Variants in CACNA1A observed in about 807,000 individuals in gnomAD.
CACNA1A encodes the protein voltage-dependent P/Q-type calcium channel subunit alpha-1A.
CACNA1A carries 57 observed loss-of-function variants against 262.4 expected under a neutral mutation model. That is an observed-to-expected ratio of 0.22 (90% CI 0.18 to 0.27). The LOEUF (loss-of-function observed/expected upper bound fraction) is 0.27. Among genes scored for constraint, CACNA1A ranks in the 10% least tolerant of loss-of-function variants. The pLI is 1.00. For synonymous variants in CACNA1A, 1,431 were observed against 1,419.3 expected (o/e 1.01, Z -0.18); for missense variants, 2,526 against 3,562.8 (o/e 0.71, Z 7.41).
intron 6 of CACNA1A, among the ~76,000 whole-genome samples, chr19:13,336,604 A>AGAGAGAGG (rs2058577376): frequency 2.8e-4 from 7 of 25,166 alleles, no homozygotes; most frequent in South Asian, 4.3e-3. Flanking sequence ...GGAGAGAGAG[A>AGAGAGAGG]GAGAGAGAGA....
chr19:13,319,768 C>A (rs1264339309), intron 10 of CACNA1A, among the ~76,000 whole-genome samples: 1 of 152,168 alleles, frequency 6.6e-6, no homozygotes, highest in Non-Finnish European at 1.5e-5. Flanking sequence ...AGGCACCAGG[C>A]ACTGCAGGGA....
chr19:13,447,166 T>C (rs2060831603), intron 3 of CACNA1A, among the ~76,000 whole-genome samples: 1 of 152,200 alleles, frequency 6.6e-6, no homozygotes. Context: ...CAGGATTCCC[T>C]GAGAATCTAA....
rs573872905 is a variant in CACNA1A at position 13,452,597 on chromosome 19, A to G, written c.539+279T>C. ...TGGGAATATTAATATTTCCTAATTC[A>G]GTGGGTTGTTGCAAGGATTAAATTA... On this transcript the variant is annotated intron_variant, in intron 3 of 46. Coordinates refer to ENST00000360228, the MANE Select transcript of CACNA1A (RefSeq NM_001127222.2). The G allele has an allele frequency of 2.6e-5, 7 of 272,280 alleles. No homozygotes were observed. The South Asian group carries it at 8.2e-4, about 32-fold the overall frequency. 16.9% of individuals were successfully genotyped at this position (272,280 alleles called of 1,614,324 possible).
At chr19:13,234,675 C>G (rs995455460) in intron 34 of CACNA1A, 2 of 506,628 alleles carry the variant, frequency 3.9e-6, no homozygotes, top group Non-Finnish European at 7.2e-6. Context: ...TGGCCACCCC[C>G]ACACCAGAAA....
chr19:13,325,343 T>G (rs916486059), intron 10 of CACNA1A, among the ~76,000 whole-genome samples: 1 of 152,026 alleles, frequency 6.6e-6, no homozygotes, highest in African/African-American at 2.4e-5. Flanking sequence ...TATCAAGTAT[T>G]AGCTGGGCAC....
chr19:13,385,122 A>ATG (rs1196320882), intron 3 of CACNA1A, among the ~76,000 whole-genome samples: 1 of 152,096 alleles, frequency 6.6e-6, no homozygotes, highest in Non-Finnish European at 1.5e-5. Flanking sequence ...CCCAAGCCAC[A>ATG]TGTGGCTGGT....
chr19:13,262,900 A>G (rs1051082129), intron 24 of CACNA1A, 67 bp from the exon 25 acceptor site: 86 of 1,047,038 alleles, frequency 8.2e-5, no homozygotes, highest in Admixed American at 7.8e-5. Context: ...GGTAGGGGGC[A>G]GCCCACAGCT....
At chr19:13,475,439 C>G (rs1304288882) in intron 1 of CACNA1A, among the ~76,000 whole-genome samples, 4 of 152,172 alleles carry the variant, frequency 2.6e-5, no homozygotes, top group Admixed American at 6.5e-5. Context: ...CATGCTCACC[C>G]TTAAGGCTTC....
chr19:13,276,999 A>C, intron 23 of CACNA1A, 70 bp downstream of exon 23: 2 of 1,005,276 alleles, frequency 2.0e-6, no homozygotes, highest in East Asian at 4.9e-5. Context: ...GGCATGATCC[A>C]CTGTGCCCAG....
rs376074188 is a variant in CACNA1A, at chr19:13,299,233, G to C, written c.2400C>G (p.Asp800Glu). ...GCGTGTAGGCAGCCTTCCAGCGCTC[G>C]TCCGGGTCCATTTCGTTATACAGGG... Reference protein sequence around the residue: ...REALYNEMDPDERWKAAYTRH... With the variant: ...REALYNEMDPEERWKAAYTRH... The change falls in exon 19 of 47, where the codon GAC becomes GAG. Residue 800 changes from aspartate to glutamate, a missense_variant. Physicochemically the swap from Asp to Glu is conservative, Grantham distance 45. Transcript: ENST00000360228. The C allele has an allele frequency of 3.1e-6, 5 of 1,609,984 alleles. No individual in the cohort carries two copies. In the African/African-American group the frequency reaches 5.3e-5, roughly 17 times the overall value.
Position 13,208,752 on chromosome 19 carries a change from C to A in CACNA1A, c.6780+4G>T. ...AGCCTGGGGTCACTTGCAGCCGCAC[C>A]CACCTGCCGGTGCGCCATGTGCTCT... On this transcript the variant is annotated splice_donor_region_variant and intron_variant, in intron 46 of 46. Transcript: ENST00000360228. 1 of 1,572,824 alleles carries A rather than the reference C, an allele frequency of 6.4e-7. No homozygotes were observed. The highest frequency in any genetic ancestry group is 2.3e-5 in the East Asian group (1 of 43,932).
chr19:13,239,042 C>T (rs2055978680), intron 31 of CACNA1A, among the ~76,000 whole-genome samples: 1 of 152,132 alleles, frequency 6.6e-6, no homozygotes, highest in South Asian at 2.1e-4. Context: ...ACCTCCAGCC[C>T]AGCCTCCTGT....
At chr19:13,352,074 C>T (rs931725621) in intron 6 of CACNA1A, among the ~76,000 whole-genome samples, 2 of 152,144 alleles carry the variant, frequency 1.3e-5, no homozygotes, top group African/African-American at 4.8e-5. Flanking sequence ...CCCTTTCTCC[C>T]TGCCTCCTGG....
chr19:13,473,812 T>C (rs949062037), intron 1 of CACNA1A, among the ~76,000 whole-genome samples: 1 of 149,202 alleles, frequency 6.7e-6, no homozygotes, highest in African/African-American at 2.5e-5. Flanking sequence ...CTCTCCTTCA[T>C]TTCTCTTTAC....
At position 13,384,568 on chromosome 19, in the gene CACNA1A, C is replaced by T. The variant is rs532808502; in HGVS notation, c.540-12789G>A. ...CAAGAAAATTAGCCAGCCGTGGTGG[C>T]GGGAGCCTGTAATCCCAGCTACTTG... On this transcript the variant is annotated intron_variant, in intron 3 of 46. Coordinates refer to ENST00000360228, the MANE Select transcript of CACNA1A (RefSeq NM_001127222.2). Among the ~76,000 whole-genome samples the T allele has an allele frequency of 5.9e-5, 9 of 152,224 alleles. No homozygotes were observed. The East Asian group carries it at 9.7e-4, about 16-fold the overall frequency.
rs1269205597 is a variant in CACNA1A at position 13,214,277 on chromosome 19, G to A, written c.5896C>T (p.Arg1966Trp). Residue 1966 changes from arginine to tryptophan, a missense_variant, in exon 40 of 47, where the codon CGG becomes TGG. Transcript: ENST00000360228. This position sits in a 1 kb window ranked among gnomAD's most constrained non-coding sequence, Gnocchi z 4.1. ...TGCAGCTTCTTGGCCTTGCTCTGCC[G>A]GTAGTACTCCATGATCATCATGGCT... ...YAAMMIMEYY[R>W]QSKAKKLQAM... 3.1e-6 allele frequency: 5 copies of A among 1,612,076 alleles called. No homozygotes were observed. The highest frequency in any genetic ancestry group is 2.7e-5 in the African/African-American group (2 of 75,052).
chr19:13,224,376 A>G (rs773242103), intron 38 of CACNA1A, among the ~76,000 whole-genome samples: 5 of 151,050 alleles, frequency 3.3e-5, no homozygotes, highest in African/African-American at 7.3e-5. Context: ...AGTCCCAGCT[A>G]CTGGGGAGGC....
chr19:13,248,799 C>T (rs907081756), intron 30 of CACNA1A, among the ~76,000 whole-genome samples: 3 of 150,998 alleles, frequency 2.0e-5, no homozygotes, highest in Non-Finnish European at 4.4e-5. Context: ...GCCAAGATTG[C>T]ACCACTGCAC....
intron 6 of CACNA1A, among the ~76,000 whole-genome samples, chr19:13,340,672 T>C (rs1486635316): frequency 6.6e-6 from 1 of 152,000 alleles, no homozygotes; most frequent in African/African-American, 2.4e-5. Context: ...GGCGATCCAC[T>C]CACCTCGGCC....
Sources: allele counts gnomAD v4.1 joint callset (sites outside exome capture counted in the v4.1 genomes callset), GRCh38; gene constraint gnomAD v4.1.1; non-coding constraint Gnocchi (gnomAD v3.1); transcripts MANE v1.5; gene names NCBI Gene and HGNC (gene_info 2026-07-23, HGNC 2026-07-21).